Variants in SORD observed in about 807,000 individuals in gnomAD.
SORD encodes the protein sorbitol dehydrogenase.
In SORD, 18 loss-of-function variants were observed where a neutral mutation model predicts 35.6. The ratio of observed to expected loss-of-function variants is 0.51; its 90% CI spans 0.35 to 0.75. The LOEUF (loss-of-function observed/expected upper bound fraction) is 0.75, where lower values mean the gene tolerates loss of function less well. Among genes scored for constraint, SORD ranks in the 30% least tolerant of loss-of-function variants. SORD has a pLI of 0.01. For synonymous variants in SORD, 106 were observed against 152.9 expected, an observed-to-expected ratio of 0.69 and a Z score of 2.26; for missense variants, 250 against 390.2, an observed-to-expected ratio of 0.64 and a Z score of 3.03.
intron 5 of SORD, among the ~76,000 whole-genome samples, chr15:45,067,352 T>A (rs1251555381): frequency 6.6e-6 from 1 of 152,190 alleles, no homozygotes; most frequent in Admixed American, 6.5e-5. Context: ...AGAGCGAGAC[T>A]CTGTCTCAAA....
chr15:45,035,293 G>A (rs1334037781), intron 1 of SORD, among the ~76,000 whole-genome samples: 4 of 152,190 alleles, frequency 2.6e-5, no homozygotes, highest in Admixed American at 2.0e-4. Flanking sequence ...AGCCAGCTGG[G>A]CTCCTGAGTC....
chr15:45,069,002 G>A lies in SORD; in HGVS notation c.736G>A (p.Val246Ile), dbSNP rs373200351. 2.5e-6 allele frequency: 4 copies of A among 1,611,622 alleles called. No individual in the cohort carries two copies. Among genetic ancestry groups the A allele is most frequent in the Non-Finnish European group, 3.4e-6 (4 of 1,179,432 alleles). Residue 246 changes from valine (V) to isoleucine (I), a missense_variant, in exon 7 of 9, where the codon GTC becomes ATC. Val to Ile is a conservative substitution (Grantham distance 29, BLOSUM62 3). Around this residue, in one of 8 missense-constraint regions of SORD, gnomAD observed 44 missense variants for 54.5 expected, o/e 0.81. Transcript: ENST00000267814. ...VEGQLGCKPE[V>I]TIECTGAEAS... Reference sequence around the variant, plus strand: ...AGGTCAGCTGGGGTGCAAGCCGGAAGTCACCATCGAGTGCACGGGGGCAGA... The same window carrying A: ...AGGTCAGCTGGGGTGCAAGCCGGAAATCACCATCGAGTGCACGGGGGCAGA...
rs890192887 is a variant in SORD, at chr15:45,068,211, C to G, written c.575C>G (p.Ala192Gly). The G allele has an allele frequency of 6.2e-7, 1 of 1,613,682 alleles. No homozygotes were observed. Among genetic ancestry groups the G allele is most frequent in the African/African-American group, 1.3e-5 (1 of 74,892 alleles). The change falls in exon 6 of 9, where the codon GCC (alanine) becomes GGC (glycine). Residue 192 changes from alanine (A) to glycine (G), a missense_variant. By Grantham distance (60) the Ala-to-Gly change is moderately conservative. Around this residue, in one of 8 missense-constraint regions of SORD, gnomAD observed 126 missense variants for 148.7 expected, o/e 0.85. Coordinates refer to ENST00000267814, the MANE Select transcript of SORD (RefSeq NM_003104.6). ...ATCGGGATGGTCACTTTGCTCGTGG[C>G]CAAAGCAATGGGAGCAGCTCAAGTA... ...GPIGMVTLLV[A>G]KAMGAAQVVV... is the part of the protein sequence containing the mutation.
intron 6 of SORD, 44 bp downstream of exon 6, chr15:45,068,290 G>A (rs2470662): frequency 3.0e-5 from 42 of 1,421,340 alleles, no homozygotes; most frequent in Middle Eastern, 3.8e-4. Flanking sequence ...GGGAAACAGC[G>A]GGTCCTACTG....
intron 7 of SORD, 70 bp downstream of exon 7, chr15:45,069,122 ACTT>A (rs1238792960): frequency 8.2e-7 from 1 of 1,214,326 alleles, no homozygotes; most frequent in African/African-American, 1.6e-5. Flanking sequence ...AGGGAGTCAA[ACTT>A]CTTTACCAGC....
chr15:45,023,444 C>A (rs1485660497), intron 1 of SORD, 95 bp downstream of exon 1: 33 of 1,129,202 alleles, frequency 2.9e-5, no homozygotes, highest in Non-Finnish European at 3.9e-5. Context: ...AGCCTGGCGC[C>A]GGCCCCGCAC....
intron 1 of SORD, among the ~76,000 whole-genome samples, chr15:45,024,996 G>T (rs546910487): frequency 1.3e-5 from 2 of 152,364 alleles, no homozygotes; most frequent in East Asian, 3.9e-4. Flanking sequence ...TCAAACTCAT[G>T]GTCTTCCACT....
chr15:45,067,834 C>T (rs149429140), intron 5 of SORD, among the ~76,000 whole-genome samples: 49 of 152,270 alleles, frequency 3.2e-4, no homozygotes, highest in African/African-American at 1.1e-3. Flanking sequence ...CAAGTCCAGA[C>T]CTTCTGAGAT....
At chr15:45,026,701 AT>A (rs1892675395) in intron 1 of SORD, among the ~76,000 whole-genome samples, 1 of 152,238 alleles carries the variant, frequency 6.6e-6, no homozygotes, top group Non-Finnish European at 1.5e-5. Context: ...AACTTACATC[AT>A]TATTTGCTTT....
At chr15:45,035,472 A>C (rs1182265454) in intron 1 of SORD, among the ~76,000 whole-genome samples, 1 of 150,896 alleles carries the variant, frequency 6.6e-6, no homozygotes, top group African/African-American at 2.5e-5. Context: ...TCTGGGGGGG[A>C]GGTGGAAAAC....
chr15:45,046,693 A>G (rs1893050190), intron 3 of SORD, among the ~76,000 whole-genome samples: 1 of 152,208 alleles, frequency 6.6e-6, no homozygotes, highest in African/African-American at 2.4e-5. Context: ...CAACTCATCA[A>G]ATATTTCCTA....
chr15:45,043,925 C>T (rs566618411), intron 3 of SORD, among the ~76,000 whole-genome samples: 12 of 152,332 alleles, frequency 7.9e-5, no homozygotes, highest in Non-Finnish European at 1.6e-4. Flanking sequence ...TCCCTGATAC[C>T]GTGAATTAAA....
chr15:45,065,510 G>T (rs1009093261), intron 5 of SORD, 121 bp downstream of exon 5: 1 of 1,467,202 alleles, frequency 6.8e-7, no homozygotes, highest in Middle Eastern at 2.6e-4. Flanking sequence ...GGTAAGGGAG[G>T]ATTGCAGTGT....
chr15:45,053,547 T>A (rs981567545), intron 3 of SORD, among the ~76,000 whole-genome samples: 2 of 152,250 alleles, frequency 1.3e-5, no homozygotes, highest in Admixed American at 6.5e-5. Context: ...GTAGACCATT[T>A]GTCATCCATG....
chr15:45,029,512 G>T (rs939524411), intron 1 of SORD, among the ~76,000 whole-genome samples: 5 of 152,262 alleles, frequency 3.3e-5, no homozygotes, highest in Non-Finnish European at 5.9e-5. Flanking sequence ...CCCAGGTAAG[G>T]GTGTCCATGA....
Position 45,065,394 on chromosome 15 carries a change from G to A in SORD, c.544+5G>A. On this transcript the variant is annotated splice_donor_5th_base_variant and intron_variant, in intron 5 of 8. Transcript: ENST00000267814. Reference sequence around the variant, plus strand: ...AGGTCCTTGTGTGTGGAGCTGGTAAGAAACAGAAGCCACCCTGTTGCGGGT... The same window carrying A: ...AGGTCCTTGTGTGTGGAGCTGGTAAAAAACAGAAGCCACCCTGTTGCGGGT... 6.3e-7 allele frequency: 1 copy of A among 1,597,406 alleles called. No homozygotes were observed. The highest frequency in any genetic ancestry group is 8.5e-7 in the Non-Finnish European group (1 of 1,174,024).
At chr15:45,064,782 G>T (rs1483230668) in intron 4 of SORD, among the ~76,000 whole-genome samples, 1 of 152,200 alleles carries the variant, frequency 6.6e-6, no homozygotes, top group Non-Finnish European at 1.5e-5. Context: ...ATGCTGGAAC[G>T]TGGCCATGTT....
chr15:45,049,684 TTTGCAGGATAA>T (rs1274244827), intron 3 of SORD, among the ~76,000 whole-genome samples: 1 of 152,178 alleles, frequency 6.6e-6, no homozygotes, highest in Admixed American at 6.5e-5. Flanking sequence ...TCTGGCAGGA[TTTGCAGGATAA>T]TTGCTCAGAA....
intron 4 of SORD, among the ~76,000 whole-genome samples, chr15:45,062,435 A>T (rs1893333396): frequency 6.6e-6 from 1 of 152,026 alleles, no homozygotes; most frequent in Non-Finnish European, 1.5e-5. Flanking sequence ...CCCTGACCCA[A>T]CCCAGATGCA....
Sources: gnomAD v4.1 joint callset for allele counts (sites outside exome capture counted in the v4.1 genomes callset) on GRCh38, gnomAD v4.1.1 for gene constraint, gnomAD v4.1.1 regional missense constraint, MANE v1.5 for transcripts, NCBI Gene and HGNC (gene_info 2026-07-23, HGNC 2026-07-21) for gene names.